Variants in MED12L observed in about 807,000 individuals in gnomAD.
MED12L encodes mediator of RNA polymerase II transcription subunit 12-like protein.
Under a neutral mutation model 281.3 loss-of-function variants are expected in MED12L, and 60 were observed. The ratio of observed to expected loss-of-function variants is 0.21; its 90% CI spans 0.17 to 0.26. The LOEUF (loss-of-function observed/expected upper bound fraction) is 0.26. MED12L is among the 10% of genes least tolerant of loss of function. The pLI is 1.00. For synonymous variants in MED12L, 974 were observed against 987.2 expected (o/e 0.99, Z 0.25); for missense variants, 2,146 against 2,680.9 (o/e 0.80, Z 4.41).
intron 3 of MED12L, among the ~76,000 whole-genome samples, chr3:151,120,290 C>G (rs780417005): frequency 6.6e-6 from 1 of 151,832 alleles, no homozygotes; most frequent in Non-Finnish European, 1.5e-5. Flanking sequence ...ACCTTGTTTG[C>G]GGGAGTACAC....
rs1491003826 is a variant in MED12L, at chr3:151,336,736, A to G, written c.2251-13323A>G. Reference sequence around the variant, plus strand: ...TTCAGAAGAGACTTTGCACAATAACATGTAATAAAGGTGTTGGCATTAATT... The same window carrying G: ...TTCAGAAGAGACTTTGCACAATAACGTGTAATAAAGGTGTTGGCATTAATT... On this transcript the variant is annotated intron_variant, in intron 16 of 44. Coordinates refer to ENST00000687756, the MANE Select transcript of MED12L (RefSeq NM_001393769.1). The G allele has an allele frequency of 2.1e-5, 7 of 328,198 alleles. No homozygotes were observed. The East Asian group carries it at 4.1e-4, about 19-fold the overall frequency. 20.3% of individuals were successfully genotyped at this position (328,198 alleles called of 1,614,324 possible).
At chr3:151,178,180 A>AAAAAAAAAAAAAAAAG (rs1560124043) in intron 11 of MED12L, among the ~76,000 whole-genome samples, 1 of 151,266 alleles carries the variant, frequency 6.6e-6, no homozygotes, top group African/African-American at 2.4e-5. Context: ...AAAAAAAAAA[A>AAAAAAAAAAAAAAAAG]AAAAGAAAGT....
chr3:151,350,749 A>G (rs1753125968), intron 17 of MED12L, among the ~76,000 whole-genome samples: 1 of 151,640 alleles, frequency 6.6e-6, no homozygotes, highest in Admixed American at 6.5e-5. Flanking sequence ...ATTTCAAATA[A>G]AAGAATTTGA....
chr3:151,226,674 T>G (rs1730550103), intron 16 of MED12L, among the ~76,000 whole-genome samples: 1 of 152,162 alleles, frequency 6.6e-6, no homozygotes, highest in South Asian at 2.1e-4. Context: ...ATTATTTTTG[T>G]TTTTGATCTG....
chr3:151,131,841 T>C (rs1715445449), intron 5 of MED12L, among the ~76,000 whole-genome samples: 1 of 152,026 alleles, frequency 6.6e-6, no homozygotes, highest in African/African-American at 2.4e-5. Context: ...TATGGCTGGT[T>C]GGACTTTGGA....
chr3:151,177,910 A>AT (rs977367950), intron 11 of MED12L, among the ~76,000 whole-genome samples: 1 of 151,838 alleles, frequency 6.6e-6, no homozygotes, highest in Admixed American at 6.6e-5. Context: ...ATAGTTTGTT[A>AT]TTTTTTCTTT....
In MED12L at chr3:151,159,920, G is replaced by T; in HGVS notation, c.926G>T (p.Ser309Ile). ...ARRLSLLLSDSPNLLAAHSPH... is the reference protein window; with the variant it reads ...ARRLSLLLSDIPNLLAAHSPH... ...CGTCTTTCCTTGCTGCTGAGCGATA[G>T]CCCCAACCTCCTTGCTGCCCACTCA... Residue 309 changes from serine to isoleucine, a missense_variant, in exon 8 of 45, where the codon AGC becomes ATC. Physicochemically the swap from Ser to Ile is moderately radical, Grantham distance 142. Coordinates refer to ENST00000687756, the MANE Select transcript of MED12L (RefSeq NM_001393769.1). 6.2e-7 allele frequency: 1 copy of T among 1,614,176 alleles called. No individual in the cohort carries two copies.
In MED12L at chr3:151,338,079, C is replaced by T. The variant is rs121917885; in HGVS notation, c.2251-11980C>T. Reference sequence around the variant, plus strand: ...GGTTTGGCTCAGGGTGTAAGGAATTCGGGCAAAATGGAAAGGAACAAAACA... The same window carrying T: ...GGTTTGGCTCAGGGTGTAAGGAATTTGGGCAAAATGGAAAGGAACAAAACA... On this transcript the variant is annotated intron_variant, in intron 16 of 44. Coordinates refer to ENST00000687756, the MANE Select transcript of MED12L (RefSeq NM_001393769.1). The T allele has an allele frequency of 1.5e-5, 24 of 1,613,726 alleles. No homozygotes were observed. The highest frequency in any genetic ancestry group is 1.7e-4 in the Middle Eastern group (1 of 6,060).
chr3:151,415,711 C>T (rs140975264), intron 42 of MED12L, among the ~76,000 whole-genome samples: 184 of 152,248 alleles, frequency 1.2e-3, no homozygotes, highest in African/African-American at 4.1e-3. Context: ...CTGTGTCCCA[C>T]CTTGTGGATG....
intron 16 of MED12L, among the ~76,000 whole-genome samples, chr3:151,267,143 T>G (rs965834839): frequency 4.6e-5 from 7 of 152,206 alleles, no homozygotes; most frequent in African/African-American, 1.4e-4. Context: ...TTTGACTGTT[T>G]ACAGGAACTA....
At chr3:151,300,955 T>A (rs1237409703) in intron 16 of MED12L, among the ~76,000 whole-genome samples, 1 of 152,160 alleles carries the variant, frequency 6.6e-6, no homozygotes, top group Non-Finnish European at 1.5e-5. Context: ...GATTTGGTAG[T>A]AGATGGAAAA....
chr3:151,314,326 T>A (rs1357379361), intron 16 of MED12L, among the ~76,000 whole-genome samples: 2 of 152,200 alleles, frequency 1.3e-5, no homozygotes, highest in African/African-American at 4.8e-5. Flanking sequence ...GTTTGCCATA[T>A]AAGGAGGGAG....
chr3:151,334,430 T>C (rs1004294353), intron 16 of MED12L, among the ~76,000 whole-genome samples: 1 of 151,976 alleles, frequency 6.6e-6, no homozygotes, highest in Non-Finnish European at 1.5e-5. Flanking sequence ...GTTGTGTTTT[T>C]TTTTTTGTAA....
chr3:151,376,217 C>G lies in MED12L; in HGVS notation c.4053+3C>G, dbSNP rs779949276. ...AGCACATTAAGCGTATTCTTCAGGT[C>G]AGTCGTATACAGATTGTGTTTCTGT... On this transcript the variant is annotated splice_donor_region_variant and intron_variant, in intron 28 of 44. Transcript: ENST00000687756. 6.9e-7 allele frequency: 1 copy of G among 1,448,556 alleles called. No individual in the cohort carries two copies. 89.7% of individuals were successfully genotyped at this position (1,448,556 alleles called of 1,614,324 possible).
chr3:151,172,109 A>T (rs376932331), intron 11 of MED12L, among the ~76,000 whole-genome samples: 9 of 152,152 alleles, frequency 5.9e-5, no homozygotes, highest in African/African-American at 2.2e-4. Flanking sequence ...TTAGATTCAG[A>T]TGTGGGAGAG....
chr3:151,368,973 G>A (rs1490491224), intron 25 of MED12L, among the ~76,000 whole-genome samples: 1 of 151,972 alleles, frequency 6.6e-6, no homozygotes, highest in Non-Finnish European at 1.5e-5. Flanking sequence ...GTGTTGGCCA[G>A]ACTGGTCTTG....
chr3:151,142,158 C>CA (rs1717122298), intron 5 of MED12L, among the ~76,000 whole-genome samples: 1 of 152,146 alleles, frequency 6.6e-6, no homozygotes, highest in African/African-American at 2.4e-5. Flanking sequence ...CTCCATTTCA[C>CA]AAATGAGGGG....
At chr3:151,367,599 C>T (rs1755442424) in intron 23 of MED12L, 47 bp from the exon 24 acceptor site, 1 of 1,535,442 alleles carries the variant, frequency 6.5e-7, no homozygotes, top group South Asian at 1.2e-5. Flanking sequence ...TTAGATACTG[C>T]TTACAAGGTT....
chr3:151,311,629 T>C (rs1263180771), intron 16 of MED12L, among the ~76,000 whole-genome samples: 3 of 152,332 alleles, frequency 2.0e-5, no homozygotes, highest in East Asian at 3.9e-4. Flanking sequence ...ACAACTAGAA[T>C]ACAATTGTAG....
Sources: gnomAD v4.1 joint callset for allele counts (sites outside exome capture counted in the v4.1 genomes callset) on GRCh38, gnomAD v4.1.1 for gene constraint, MANE v1.5 for transcripts, NCBI Gene and HGNC (gene_info 2026-07-23, HGNC 2026-07-21) for gene names.